The following ECE1 variants were observed in gnomAD, a reference collection of about 807,000 sequenced individuals.
The protein encoded by ECE1 is endothelin-converting enzyme 1.
In ECE1, 35 loss-of-function variants were observed where a neutral mutation model predicts 98.6. That is an observed-to-expected ratio of 0.35 (90% CI 0.27 to 0.47). The LOEUF is 0.47. ECE1 is among the 20% of genes least tolerant of loss of function. The pLI is 1.00. For missense variants in ECE1, 814 were observed against 1,025.3 expected, an observed-to-expected ratio of 0.79 and a Z score of 2.81; for synonymous variants, 394 against 407.1, an observed-to-expected ratio of 0.97 and a Z score of 0.39.
intron 4 of ECE1, among the ~76,000 whole-genome samples, chr1:21,261,729 G>A (rs1443225456): frequency 1.3e-5 from 2 of 152,224 alleles, no homozygotes; most frequent in Non-Finnish European, 1.5e-5. Flanking sequence ...AACAACGCAC[G>A]TGGCTATGGA....
intron 3 of ECE1, among the ~76,000 whole-genome samples, chr1:21,277,112 C>T (rs2098248186): frequency 6.6e-6 from 1 of 152,134 alleles, no homozygotes; most frequent in South Asian, 2.1e-4. Flanking sequence ...CTGGGGTGGT[C>T]ACTGCTTTCC....
intron 4 of ECE1, among the ~76,000 whole-genome samples, chr1:21,264,858 G>C (rs996406741): frequency 2.6e-5 from 4 of 152,074 alleles, no homozygotes; most frequent in Non-Finnish European, 4.4e-5. Flanking sequence ...CCTGTCTCCA[G>C]CTCCTGCCCC....
intron 1 of ECE1, among the ~76,000 whole-genome samples, chr1:21,321,149 G>C (rs930575543): frequency 6.6e-6 from 1 of 152,232 alleles, no homozygotes; most frequent in African/African-American, 2.4e-5. Flanking sequence ...CAGAGCTAGT[G>C]CGTGGCGGAG....
rs2103211890 is a variant in ECE1 at position 21,225,484 on chromosome 1, C to T, written c.1850-44G>A. ...CGTCATGTCAAGGGAGGGAGGGGCA[C>T]AGCAGGGACCTGCTGCTCCTCCCTG... On this transcript the variant is annotated intron_variant, in intron 16 of 18. Coordinates refer to ENST00000374893, the MANE Select transcript of ECE1 (RefSeq NM_001397.3). The surrounding 1 kb of genome is among the most constrained non-coding windows in gnomAD (Gnocchi z 5.3). 6.2e-7 allele frequency: 1 copy of T among 1,600,798 alleles called. No individual in the cohort carries two copies. Among genetic ancestry groups the T allele is most frequent in the African/African-American group, 1.3e-5 (1 of 74,694 alleles).
chr1:21,334,520 C>A (rs1639270913), intron 1 of ECE1, among the ~76,000 whole-genome samples: 1 of 152,246 alleles, frequency 6.6e-6, no homozygotes, highest in Non-Finnish European at 1.5e-5. Flanking sequence ...GCGGCCATCA[C>A]TTCCTATGCC....
intron 8 of ECE1, among the ~76,000 whole-genome samples, chr1:21,251,602 G>A (rs2744335): frequency 0.03 from 4,595 of 152,262 alleles, 244 homozygotes; most frequent in African/African-American, 0.1. Flanking sequence ...AAATACCTGC[G>A]GAGCTGGTAA....
At chr1:21,231,259 G>A (rs1003808987) in intron 14 of ECE1, among the ~76,000 whole-genome samples, 1 of 152,230 alleles carries the variant, frequency 6.6e-6, no homozygotes, top group African/African-American at 2.4e-5. Context: ...GGAGTGCAGT[G>A]AGATGGGTAC....
chr1:21,258,936 G>A lies in ECE1; in HGVS notation c.616-97C>T, dbSNP rs574047624. 6.6e-7 allele frequency: 1 copy of A among 1,520,534 alleles called. No homozygotes were observed. The highest frequency in any genetic ancestry group is 2.4e-5 in the East Asian group (1 of 42,030). The allele number at this position is 1,520,534 out of a possible 1,614,324, so 94.2% of individuals were successfully genotyped here. ...CGCTGACTTGCTCTGTGACCCTGGA[G>A]CAGTCGCCTGACCTCTCTGAGCCTC... On this transcript the variant is annotated intron_variant, in intron 5 of 18. Transcript: ENST00000374893. The surrounding 1 kb of genome is among the most constrained non-coding windows in gnomAD (Gnocchi z 4.2).
rs1040898665 is a variant in ECE1, at chr1:21,258,969, A to C, written c.616-130T>G. 5.3e-6 allele frequency: 7 copies of C among 1,326,090 alleles called. No homozygotes were observed. The highest frequency in any genetic ancestry group is 7.3e-6 in the Non-Finnish European group (7 of 963,506). 82.1% of individuals were successfully genotyped at this position (1,326,090 alleles called of 1,614,324 possible). A position where few individuals can be genotyped will look rare whatever the true frequency, so the allele number is the denominator to read the frequency against. On this transcript the variant is annotated intron_variant, in intron 5 of 18. Coordinates refer to ENST00000374893, the MANE Select transcript of ECE1 (RefSeq NM_001397.3). This position sits in a 1 kb window ranked among gnomAD's most constrained non-coding sequence, Gnocchi z 4.2. ...CTGACCTCTCTGAGCCTCAAGAGCA[A>C]AGGAAAGGATTGGTCTTCATCGGGG...
intron 9 of ECE1, among the ~76,000 whole-genome samples, chr1:21,245,729 C>T (rs1425433735): frequency 1.3e-5 from 2 of 152,142 alleles, no homozygotes; most frequent in Non-Finnish European, 2.9e-5. Flanking sequence ...TGTATTTGTA[C>T]ACGACGGAGT....
intron 14 of ECE1, among the ~76,000 whole-genome samples, chr1:21,232,088 G>A (rs2098182445): frequency 6.6e-6 from 1 of 152,202 alleles, no homozygotes; most frequent in African/African-American, 2.4e-5. Context: ...GTACATAGCG[G>A]GGTGTCCTGG....
At chr1:21,306,262 T>C (rs1019153180) in intron 1 of ECE1, among the ~76,000 whole-genome samples, 11 of 151,932 alleles carry the variant, frequency 7.2e-5, no homozygotes, top group Non-Finnish European at 1.5e-4. Flanking sequence ...AGAGTCGCAA[T>C]ATTAACAATA....
At chr1:21,339,297 C>T (rs1249718786) in intron 1 of ECE1, among the ~76,000 whole-genome samples, 1 of 152,202 alleles carries the variant, frequency 6.6e-6, no homozygotes, top group Non-Finnish European at 1.5e-5. Flanking sequence ...TGAGCCTGGC[C>T]AGTGTCCAGC....
chr1:21,315,834 T>G (rs1290582316), intron 1 of ECE1, among the ~76,000 whole-genome samples: 1 of 151,034 alleles, frequency 6.6e-6, no homozygotes, highest in Non-Finnish European at 1.5e-5. Context: ...TTTCCCCATA[T>G]TCTAGGATTC....
chr1:21,251,849 A>T (rs2098213275), intron 8 of ECE1, among the ~76,000 whole-genome samples: 1 of 152,104 alleles, frequency 6.6e-6, no homozygotes, highest in Admixed American at 6.5e-5. Context: ...CTGCTTGCCC[A>T]ATAACCCTGA....
At chr1:21,222,752 G>C (rs2098169039) in intron 17 of ECE1, among the ~76,000 whole-genome samples, 1 of 138,410 alleles carries the variant, frequency 7.2e-6, no homozygotes, top group Non-Finnish European at 1.5e-5. Context: ...TGAGGCAGGA[G>C]AATCACTTGA....
In ECE1 at chr1:21,232,274, T is replaced by C. The variant is rs562922455; in HGVS notation, c.1670+1284A>G. ...GGAACTGGGCTGACTACATCTAATTTTTTTGAGGAGACAGTTTTTTTTTTT... is the reference window on the plus strand; with the variant it reads ...GGAACTGGGCTGACTACATCTAATTCTTTTGAGGAGACAGTTTTTTTTTTT... On this transcript the variant is annotated intron_variant, in intron 14 of 18. Coordinates refer to ENST00000374893, the MANE Select transcript of ECE1 (RefSeq NM_001397.3). Among the ~76,000 whole-genome samples the C allele has an allele frequency of 1.1e-3, 166 of 152,108 alleles. 1 individual carries two copies. Among genetic ancestry groups the C allele is most frequent in the African/African-American group, 3.7e-3 (154 of 41,490 alleles).
At chr1:21,313,459 A>T (rs1016897758) in intron 1 of ECE1, among the ~76,000 whole-genome samples, 1 of 152,086 alleles carries the variant, frequency 6.6e-6, no homozygotes, top group Non-Finnish European at 1.5e-5. Flanking sequence ...GCTCAGGAGG[A>T]CAGGAGCTGC....
At chr1:21,264,517 G>A (rs1188547803) in intron 4 of ECE1, among the ~76,000 whole-genome samples, 1 of 152,084 alleles carries the variant, frequency 6.6e-6, no homozygotes, top group Non-Finnish European at 1.5e-5. Flanking sequence ...GTTTCACTGT[G>A]TTGGCCAGGC....
Sources: gnomAD v4.1 joint callset for allele counts (sites outside exome capture counted in the v4.1 genomes callset) on GRCh38, gnomAD v4.1.1 for gene constraint, Gnocchi (gnomAD v3.1) non-coding constraint, MANE v1.5 for transcripts, NCBI Gene and HGNC (gene_info 2026-07-23, HGNC 2026-07-21) for gene names.